Variants in GRK1 observed in about 807,000 individuals in gnomAD.
GRK1 encodes G protein-coupled receptor kinase 1.
Under a neutral mutation model 41.7 loss-of-function variants are expected in GRK1, and 28 were observed. The observed-to-expected ratio is 0.67, with a 90% confidence interval of 0.50 to 0.92. GRK1 has a LOEUF of 0.92. Among genes scored for constraint, GRK1 ranks in the 40% least tolerant of loss-of-function variants. The pLI, the probability that GRK1 is intolerant of heterozygous loss-of-function variation, is 0.00. For missense variants in GRK1, 703 were observed against 671.2 expected (o/e 1.05, Z -0.52); for synonymous variants, 327 against 286.7 (o/e 1.14, Z -1.42).
chr13:113,723,243 C>T (rs1343313069), intron 4 of GRK1, 86 bp downstream of exon 4: 18 of 619,068 alleles, frequency 2.9e-5, no homozygotes, highest in Non-Finnish European at 5.2e-5. Context: ...CTTGCACATA[C>T]ATGTGAGTTT....
Position 113,671,540 on chromosome 13 carries a change from C to T in GRK1, c.869C>T (p.Pro290Leu), listed in dbSNP as rs117878269. The T allele has an allele frequency of 7.0e-4, 545 of 778,924 alleles. 4 individuals carry two copies. The East Asian group carries it at 8.6e-3, about 12-fold the overall frequency. The allele number at this position is 778,924 out of a possible 1,614,324, so 48.3% of individuals were successfully genotyped here. The change falls in exon 3 of 7, where the codon CCG (proline) becomes CTG (leucine). Residue 290 changes from proline (P) to leucine (L), a missense_variant. By Grantham distance (98) the Pro-to-Leu change is moderately conservative. Transcript: ENST00000335678. The surrounding 1 kb of genome is among the most constrained non-coding windows in gnomAD (Gnocchi z 4.1). ...GTGAATGAGGAGAACCCTGGCTTCC[C>T]GGAGCCGCGCGCCCTCTTCTACACG... ...YNVNEENPGF[P>L]EPRALFYTAQ...
At chr13:113,654,875 A>C in the GRK1 span, 13 of 1,614,134 alleles carry the variant, frequency 8.1e-6, no homozygotes, top group South Asian at 1.3e-4. Context: ...GCATCAGCAC[A>C]TAGAGGCACA....
At chr13:113,728,070 T>G (rs1466866088) in intron 4 of GRK1, among the ~76,000 whole-genome samples, 4 of 70,228 alleles carry the variant, frequency 5.7e-5, no homozygotes, top group Admixed American at 1.5e-4. Context: ...CCCATGGCGA[T>G]GAGGACCCAT....
chr13:113,733,607 A>T (rs1162248050), intron 6 of GRK1, among the ~76,000 whole-genome samples: 5 of 134,934 alleles, frequency 3.7e-5, no homozygotes, highest in African/African-American at 1.2e-4. Flanking sequence ...ATGTGTGCGC[A>T]TGTGTATGTG....
chr13:113,734,121 C>T (rs983349963), intron 6 of GRK1, among the ~76,000 whole-genome samples: 47 of 152,290 alleles, frequency 3.1e-4, no homozygotes, highest in Non-Finnish European at 4.9e-4. Flanking sequence ...ACAGCCATAC[C>T]CTCTAGGACC....
Position 113,731,322 on chromosome 13 carries a change from C to T in GRK1, c.1173C>T (p.Pro391=). The T allele has an allele frequency of 6.5e-7, 1 of 1,537,012 alleles. No individual in the cohort carries two copies. Among genetic ancestry groups the T allele is most frequent in the Non-Finnish European group, 8.7e-7 (1 of 1,146,844 alleles). Residue 391 remains proline (P), a synonymous_variant, in exon 5 of 7, where the codon CCC becomes CCT. Coordinates refer to ENST00000335678, the MANE Select transcript of GRK1 (RefSeq NM_002929.3). The surrounding 1 kb of genome is among the most constrained non-coding windows in gnomAD (Gnocchi z 5.6). The part of the protein sequence containing the change: ...TLYEMIAARG[P]FRARGEKVEN... ...ATGAGATGATTGCGGCCAGAGGACC[C>T]TTCCGAGCCCGTGGAGAGAAGGTAG...
the GRK1 span, among the ~76,000 whole-genome samples, chr13:113,661,223 C>A: frequency 0.012 from 1,768 of 152,040 alleles, 33 homozygotes; most frequent in African/African-American, 0.038. Context: ...AATATGAAAC[C>A]TGAACAACAT....
At chr13:113,733,606 CATGTGTAT>C in intron 6 of GRK1, among the ~76,000 whole-genome samples, 2 of 139,266 alleles carry the variant, frequency 1.4e-5, no homozygotes, top group Admixed American at 7.1e-5. Context: ...CATGTGTGCG[CATGTGTAT>C]GTGTGTGCAT....
chr13:113,733,904 T>C (rs1341820550), intron 6 of GRK1, among the ~76,000 whole-genome samples: 3 of 119,986 alleles, frequency 2.5e-5, no homozygotes, highest in Non-Finnish European at 4.9e-5. Context: ...TGTGTATGTG[T>C]GCATACAGTG....
At chr13:113,733,660 T>A (rs539076883) in intron 6 of GRK1, among the ~76,000 whole-genome samples, 2 of 100,192 alleles carry the variant, frequency 2.0e-5, no homozygotes, top group African/African-American at 4.2e-5. Flanking sequence ...TACGTGTGTG[T>A]GCGTGTGTGC....
upstream of GRK1, chr13:113,667,174 A>C (rs747266775): frequency 5.6e-6 from 3 of 537,952 alleles, no homozygotes; most frequent in Non-Finnish European, 9.8e-6. This position sits in a 1 kb window ranked among gnomAD's most constrained non-coding sequence, Gnocchi z 7.5. Context: ...CCCGGCTGGG[A>C]TTTAGCCTGG....
In GRK1 at chr13:113,733,726, CGCGCGT is replaced by C. The variant is rs531010902; in HGVS notation, c.1396+643_1396+648del. On this transcript the variant is annotated intron_variant, in intron 6 of 6. Transcript: ENST00000335678. ...GTGCGTGTGTGCGCACGTGTGTGTG[CGCGCGT>C]GTGTATGTGTGCATACATGTGTGTG... Among the ~76,000 whole-genome samples the C allele has an allele frequency of 6.0e-3, 520 of 86,386 alleles. 12 individuals are homozygous for C. Among genetic ancestry groups the C allele is most frequent in the African/African-American group, 0.024 (486 of 20,566 alleles). The allele number at this position is 86,386 out of a possible 152,430, so 56.7% of individuals were successfully genotyped here.
chr13:113,733,528 C>CATGTGT (rs1462821380), intron 6 of GRK1, among the ~76,000 whole-genome samples: 6 of 110,266 alleles, frequency 5.4e-5, no homozygotes, highest in Non-Finnish European at 1.3e-4. Context: ...TGCATGTGTG[C>CATGTGT]GCGTGTGTGC....
chr13:113,661,137 A>T, the GRK1 span, among the ~76,000 whole-genome samples: 1 of 152,208 alleles, frequency 6.6e-6, no homozygotes, highest in African/African-American at 2.4e-5. Flanking sequence ...AAGAATTCAA[A>T]TCATACAGAG....
intron 6 of GRK1, among the ~76,000 whole-genome samples, chr13:113,733,961 T>TGTGTGCGTGTGTGCGCATAC (rs2049978152): frequency 8.0e-6 from 1 of 125,728 alleles, no homozygotes; most frequent in Non-Finnish European, 1.8e-5. Context: ...TGTGCATACG[T>TGTGTGCGTGTGTGCGCATAC]GTGTGTGCGT....
Position 113,733,723 on chromosome 13 carries a change from GTGCGCGCGTGTGTA to G in GRK1, c.1396+641_1396+654del, listed in dbSNP as rs1428374141. On this transcript the variant is annotated intron_variant, in intron 6 of 6. Coordinates refer to ENST00000335678, the MANE Select transcript of GRK1 (RefSeq NM_002929.3). ...TGTGTGCGTGTGTGCGCACGTGTGTGTGCGCGCGTGTGTATGTGTGCATACATGTGTGTGCGTGT... is the reference window on the plus strand; with the variant it reads ...TGTGTGCGTGTGTGCGCACGTGTGTGTGTGTGCATACATGTGTGTGCGTGT... 8.7e-3 allele frequency among the ~76,000 whole-genome samples: 1,204 copies of G among 137,890 alleles called. 19 individuals are homozygous for G. The highest frequency in any genetic ancestry group is 0.014 in the Non-Finnish European group (852 of 60,896). The allele number at this position is 137,890 out of a possible 152,430, so 90.5% of individuals were successfully genotyped here.
At position 113,667,246 on chromosome 13, in the gene GRK1, C is replaced by T. The variant is rs79087272; in HGVS notation, c.-141C>T. The T allele has an allele frequency of 2.8e-3, 2,373 of 838,866 alleles. 41 individuals are homozygous for T. In the African/African-American group the frequency reaches 0.034, roughly 12 times the overall value. 52.0% of individuals were successfully genotyped at this position (838,866 alleles called of 1,614,324 possible). A position where few individuals can be genotyped will look rare whatever the true frequency, so the allele number is the denominator to read the frequency against. ...TGGTCCCCAGGAACCCTCGACAGGG[C>T]CAGGGCGTCTCTCTCGTCCAGCAAG... On this transcript the variant is annotated 5_prime_UTR_variant, in exon 1 of 7. Transcript: ENST00000335678. This position sits in a 1 kb window ranked among gnomAD's most constrained non-coding sequence, Gnocchi z 7.5.
chr13:113,656,363 C>T, the GRK1 span, among the ~76,000 whole-genome samples: 2 of 152,122 alleles, frequency 1.3e-5, no homozygotes, highest in East Asian at 1.9e-4. Flanking sequence ...GAGATGTGGG[C>T]GGTGCGTGTC....
chr13:113,728,851 G>A (rs1211753562), intron 4 of GRK1, among the ~76,000 whole-genome samples: 1 of 152,172 alleles, frequency 6.6e-6, no homozygotes, highest in South Asian at 2.1e-4. Context: ...GGCACAGCCC[G>A]GCTGGTGGGG....
Sources: gnomAD v4.1 joint callset for allele counts (sites outside exome capture counted in the v4.1 genomes callset) on GRCh38, gnomAD v4.1.1 for gene constraint, Gnocchi (gnomAD v3.1) non-coding constraint, MANE v1.5 for transcripts, NCBI Gene and HGNC (gene_info 2026-07-23, HGNC 2026-07-21) for gene names.